The following KLF7 variants were observed in gnomAD, a reference collection of about 807,000 sequenced individuals.
KLF7 encodes KLF transcription factor 7.
KLF7 carries 2 observed loss-of-function variants against 27.3 expected under a neutral mutation model. The observed-to-expected ratio is 0.07, with a 90% CI of 0.03 to 0.23. The LOEUF is 0.23. Among genes scored for constraint, KLF7 ranks in the 10% least tolerant of loss-of-function variants. The pLI is 1.00. For missense variants in KLF7, 221 were observed against 394.1 expected, an observed-to-expected ratio of 0.56 and a Z score of 3.72; for synonymous variants, 165 against 162.4, an observed-to-expected ratio of 1.02 and a Z score of -0.12.
intron 2 of KLF7, among the ~76,000 whole-genome samples, chr2:207,119,532 A>T (rs1285175539): frequency 6.6e-6 from 1 of 152,140 alleles, no homozygotes; most frequent in South Asian, 2.1e-4. Context: ...ACTCAAGAAG[A>T]TGAATACAAC....
At chr2:207,107,314 C>T (rs1410263053) in intron 2 of KLF7, among the ~76,000 whole-genome samples, 1 of 152,178 alleles carries the variant, frequency 6.6e-6, no homozygotes, top group Non-Finnish European at 1.5e-5. Flanking sequence ...CCAAGCTCTG[C>T]TTATCAAAAT....
upstream of KLF7, among the ~76,000 whole-genome samples, chr2:207,168,562 T>A (rs1388713123): frequency 6.6e-6 from 1 of 152,182 alleles, no homozygotes; most frequent in African/African-American, 2.4e-5. Context: ...TAAGTCAGTG[T>A]GTGTTTACAA....
upstream of KLF7, chr2:207,166,800 C>T (rs1301353944): frequency 1.0e-6 from 1 of 1,002,790 alleles, no homozygotes; most frequent in Non-Finnish European, 1.2e-6. Flanking sequence ...TTCCCGAACT[C>T]CCCACGGGCT....
chr2:207,088,011 C>T (rs1462823622), intron 3 of KLF7, among the ~76,000 whole-genome samples: 1 of 152,114 alleles, frequency 6.6e-6, no homozygotes, highest in African/African-American at 2.4e-5. Flanking sequence ...AGAGAAAAGC[C>T]TTATAGTGAT....
chr2:207,167,150 C>A, upstream of KLF7: 1 of 1,439,782 alleles, frequency 6.9e-7, no homozygotes, highest in Non-Finnish European at 9.1e-7. Context: ...CATGGGGTCT[C>A]CAGCGAGGTG....
intron 1 of KLF7, among the ~76,000 whole-genome samples, chr2:207,124,770 GA>G (rs2077436195): frequency 6.6e-6 from 1 of 152,182 alleles, no homozygotes; most frequent in Non-Finnish European, 1.5e-5. Flanking sequence ...GAAGCAAATA[GA>G]AACAGATAAG....
chr2:207,141,697 G>A (rs1013713850), intron 1 of KLF7, among the ~76,000 whole-genome samples: 2 of 152,118 alleles, frequency 1.3e-5, no homozygotes, highest in East Asian at 1.9e-4. Context: ...GTTAGAGTGC[G>A]TGAGACAAGC....
intron 1 of KLF7, among the ~76,000 whole-genome samples, chr2:207,144,882 C>A (rs2078054838): frequency 6.6e-6 from 1 of 152,228 alleles, no homozygotes; most frequent in African/African-American, 2.4e-5. Flanking sequence ...CCCTGTTGCA[C>A]ATCAGACTTG....
intron 2 of KLF7, among the ~76,000 whole-genome samples, chr2:207,118,631 C>G (rs2077254029): frequency 6.6e-6 from 1 of 152,168 alleles, no homozygotes; most frequent in Admixed American, 6.5e-5. Flanking sequence ...CTGTGTGACG[C>G]CAGGCAAATT....
intron 1 of KLF7, among the ~76,000 whole-genome samples, chr2:207,154,780 A>G (rs1430045126): frequency 6.6e-6 from 1 of 152,226 alleles, no homozygotes; most frequent in Non-Finnish European, 1.5e-5. Flanking sequence ...AATGACAAAC[A>G]AGACTCAGAG....
At chr2:207,161,400 T>G (rs1311189385) in intron 1 of KLF7, among the ~76,000 whole-genome samples, 2 of 152,216 alleles carry the variant, frequency 1.3e-5, no homozygotes, top group Admixed American at 6.5e-5. Context: ...GCAAGGCTCC[T>G]TTGTGTCTAC....
chr2:207,166,272 T>C (rs73985509), upstream of KLF7: 3,611 of 791,826 alleles, frequency 4.6e-3, 104 homozygotes, highest in African/African-American at 0.062. Context: ...GGCTTGGCCC[T>C]GGCGGCGGGC....
intron 2 of KLF7, among the ~76,000 whole-genome samples, chr2:207,119,290 T>C (rs964272929): frequency 5.9e-5 from 9 of 152,246 alleles, no homozygotes; most frequent in Admixed American, 4.6e-4. Context: ...TACCTTTATA[T>C]GGATTTTCAA....
Position 207,165,774 on chromosome 2 carries a change from G to A in KLF7, c.-206C>T, listed in dbSNP as rs1158100941. 12 of 1,432,304 alleles carry A rather than the reference G, an allele frequency of 8.4e-6. No individual in the cohort carries two copies. Among genetic ancestry groups the A allele is most frequent in the African/African-American group, 1.4e-5 (1 of 69,572 alleles). The allele number at this position is 1,432,304 out of a possible 1,614,324, so 88.7% of individuals were successfully genotyped here. Reference sequence around the variant, plus strand: ...GAGGTGAGAGAGGAGCGAGTGAGTGGGGTGGATGGAGAGAGGCATCCAGCG... The same window carrying A: ...GAGGTGAGAGAGGAGCGAGTGAGTGAGGTGGATGGAGAGAGGCATCCAGCG... On this transcript the variant is annotated 5_prime_UTR_variant, in exon 1 of 4. Transcript: ENST00000309446.
At chr2:207,096,650 G>A (rs1453065758) in intron 2 of KLF7, among the ~76,000 whole-genome samples, 1 of 152,030 alleles carries the variant, frequency 6.6e-6, no homozygotes, top group Non-Finnish European at 1.5e-5. Flanking sequence ...CTTCTTCTCT[G>A]ATCCCCACCC....
chr2:207,165,784 A>G lies in KLF7; in HGVS notation c.-216T>C, dbSNP rs1243160017. On this transcript the variant is annotated 5_prime_UTR_variant, in exon 1 of 4. Transcript: ENST00000309446. ...AGGAGCGAGTGAGTGGGGTGGATGG[A>G]GAGAGGCATCCAGCGTGTACAGTGC... The G allele has an allele frequency of 4.9e-6, 7 of 1,428,822 alleles. No homozygotes were observed. In the African/African-American group the frequency reaches 5.8e-5, roughly 12 times the overall value. The allele number at this position is 1,428,822 out of a possible 1,614,324, so 88.5% of individuals were successfully genotyped here.
chr2:207,140,800 A>G (rs1263562010), intron 1 of KLF7, among the ~76,000 whole-genome samples: 1 of 152,224 alleles, frequency 6.6e-6, no homozygotes, highest in Non-Finnish European at 1.5e-5. Context: ...TGATTCAGAA[A>G]TGTATGCTGG....
chr2:207,173,074 A>G, the KLF7 span, among the ~76,000 whole-genome samples: 1 of 152,188 alleles, frequency 6.6e-6, no homozygotes, highest in Non-Finnish European at 1.5e-5. Context: ...TGTGAGTGTC[A>G]GAGAGGCGGA....
At chr2:207,112,485 TG>T (rs2077064871) in intron 2 of KLF7, among the ~76,000 whole-genome samples, 1 of 152,202 alleles carries the variant, frequency 6.6e-6, no homozygotes, top group African/African-American at 2.4e-5. Context: ...TAGGGTATGG[TG>T]GATCTCATTA....
Sources: gnomAD v4.1 joint callset for allele counts (sites outside exome capture counted in the v4.1 genomes callset) on GRCh38, gnomAD v4.1.1 for gene constraint, MANE v1.5 for transcripts, NCBI Gene and HGNC (gene_info 2026-07-23, HGNC 2026-07-21) for gene names.